The following INPP4B variants were observed in gnomAD, a reference collection of about 807,000 sequenced individuals.
INPP4B encodes the protein inositol polyphosphate 4-phosphatase type II.
INPP4B carries 55 observed loss-of-function variants against 122.5 expected under a neutral mutation model. The observed-to-expected ratio is 0.45, with a 90% CI of 0.36 to 0.56. INPP4B has a LOEUF of 0.56. Ranked by LOEUF, INPP4B falls within the 20% of genes least tolerant of loss-of-function variation. INPP4B has a pLI of 0.00. For missense variants in INPP4B, 1,000 were observed against 1,097.7 expected (o/e 0.91, Z 1.26); for synonymous variants, 403 against 388.7 (o/e 1.04, Z -0.43).
intron 2 of INPP4B, among the ~76,000 whole-genome samples, chr4:142,534,975 G>A (rs138162142): frequency 8.3e-4 from 126 of 152,108 alleles, no homozygotes; most frequent in African/African-American, 2.6e-3. Flanking sequence ...TGTTCCCTGG[G>A]GAAGTAAGAG....
intron 5 of INPP4B, among the ~76,000 whole-genome samples, chr4:142,424,062 A>G (rs1428148463): frequency 2.0e-5 from 3 of 151,982 alleles, no homozygotes; most frequent in Non-Finnish European, 4.4e-5. Flanking sequence ...ATCTGCTCAT[A>G]CAGCTCTCCT....
At chr4:142,157,187 T>G (rs1013310217) in intron 17 of INPP4B, among the ~76,000 whole-genome samples, 1 of 152,160 alleles carries the variant, frequency 6.6e-6, no homozygotes, top group Non-Finnish European at 1.5e-5. Flanking sequence ...AAAGGCATCT[T>G]CAATTAGCTA....
chr4:142,719,818 C>T (rs958842008), intron 2 of INPP4B, among the ~76,000 whole-genome samples: 1 of 151,900 alleles, frequency 6.6e-6, no homozygotes, highest in African/African-American at 2.4e-5. Context: ...AACAACTGAA[C>T]AGAGATCCAT....
chr4:142,520,215 C>T (rs1486173593), intron 2 of INPP4B, among the ~76,000 whole-genome samples: 5 of 151,944 alleles, frequency 3.3e-5, no homozygotes, highest in Non-Finnish European at 7.4e-5. Context: ...TTTTATCCTT[C>T]AACAAATAGC....
chr4:142,747,429 TA>T (rs1313555821), intron 1 of INPP4B, among the ~76,000 whole-genome samples: 3 of 152,118 alleles, frequency 2.0e-5, no homozygotes, highest in Admixed American at 6.6e-5. Flanking sequence ...GGTGGGAGTG[TA>T]AATTAGTTCA....
At chr4:142,693,178 G>T (rs530186422) in intron 2 of INPP4B, among the ~76,000 whole-genome samples, 1 of 152,020 alleles carries the variant, frequency 6.6e-6, no homozygotes, top group East Asian at 1.9e-4. Flanking sequence ...GGCTTTGGGG[G>T]GTACCAGAAA....
intron 2 of INPP4B, among the ~76,000 whole-genome samples, chr4:142,486,645 C>G (rs181361764): frequency 8.6e-5 from 13 of 152,002 alleles, no homozygotes; most frequent in Admixed American, 6.6e-5. Context: ...TTTCCACTTA[C>G]GGTTTGTGCT....
Position 142,048,725 on chromosome 4 carries a change from A to C in INPP4B, c.2643-19811T>G, listed in dbSNP as rs373835793. On this transcript the variant is annotated intron_variant, in intron 25 of 25. Coordinates refer to ENST00000262992, the MANE Select transcript of INPP4B (RefSeq NM_001101669.3). ...GCAAAAGCAGCTTGAGAGCTGGTTAAAGAAAAGCTATTGCAAGATCATAGT... is the reference window on the plus strand; with the variant it reads ...GCAAAAGCAGCTTGAGAGCTGGTTACAGAAAAGCTATTGCAAGATCATAGT... Among the ~76,000 whole-genome samples the C allele has an allele frequency of 5.1e-4, 78 of 152,164 alleles. 1 individual carries two copies. Among genetic ancestry groups the C allele is most frequent in the African/African-American group, 1.7e-3 (71 of 41,534 alleles).
intron 7 of INPP4B, among the ~76,000 whole-genome samples, chr4:142,385,373 A>G (rs969511132): frequency 1.1e-5 from 1 of 94,292 alleles, no homozygotes; most frequent in Non-Finnish European, 2.0e-5. Context: ...ACTGAACCTT[A>G]AAAAAAAAAA....
At chr4:142,432,170 T>A (rs1281424958) in intron 3 of INPP4B, among the ~76,000 whole-genome samples, 1 of 152,112 alleles carries the variant, frequency 6.6e-6, no homozygotes. Flanking sequence ...ATAAATTTTT[T>A]AAAAAATCAA....
At chr4:142,305,827 G>T in intron 8 of INPP4B, 1 of 1,149,400 alleles carries the variant, frequency 8.7e-7, no homozygotes, top group Non-Finnish European at 1.1e-6. Context: ...AATTTTCTCT[G>T]CATATGAAAA....
At chr4:142,548,816 T>C (rs1417765495) in intron 2 of INPP4B, among the ~76,000 whole-genome samples, 1 of 151,872 alleles carries the variant, frequency 6.6e-6, no homozygotes, top group Admixed American at 6.6e-5. Flanking sequence ...TGACAGAAAA[T>C]CATTCTAAAA....
chr4:142,417,396 GT>G (rs1396578995), intron 5 of INPP4B, among the ~76,000 whole-genome samples: 1 of 152,044 alleles, frequency 6.6e-6, no homozygotes, highest in Non-Finnish European at 1.5e-5. Context: ...GTGATTTTGG[GT>G]TTGTTACGGA....
At chr4:142,255,582 C>T (rs1735414858) in intron 11 of INPP4B, among the ~76,000 whole-genome samples, 1 of 152,078 alleles carries the variant, frequency 6.6e-6, no homozygotes, top group African/African-American at 2.4e-5. Flanking sequence ...GACTTTAAAC[C>T]AACAAAGACC....
At chr4:142,344,006 T>C (rs1160805120) in intron 7 of INPP4B, among the ~76,000 whole-genome samples, 1 of 152,114 alleles carries the variant, frequency 6.6e-6, no homozygotes, top group African/African-American at 2.4e-5. Flanking sequence ...TAAACTATAA[T>C]AACAGTTATT....
At chr4:142,168,596 C>T (rs549587471) in intron 16 of INPP4B, among the ~76,000 whole-genome samples, 1 of 151,686 alleles carries the variant, frequency 6.6e-6, no homozygotes, top group Non-Finnish European at 1.5e-5. Flanking sequence ...TTATTCAATT[C>T]CCGTTGTATT....
intron 2 of INPP4B, among the ~76,000 whole-genome samples, chr4:142,622,327 TAA>T (rs112195146): frequency 6.9e-6 from 1 of 144,620 alleles, no homozygotes; most frequent in Admixed American, 7.0e-5. Flanking sequence ...AAGCTTCCAT[TAA>T]AAAAAAAAAG....
chr4:142,567,693 A>G (rs908484782), intron 2 of INPP4B, among the ~76,000 whole-genome samples: 2 of 152,160 alleles, frequency 1.3e-5, no homozygotes, highest in South Asian at 2.1e-4. Context: ...GGTACACTTT[A>G]AAAAGCATAT....
intron 12 of INPP4B, among the ~76,000 whole-genome samples, chr4:142,234,879 C>T (rs1332944723): frequency 6.6e-6 from 1 of 152,006 alleles, no homozygotes. Flanking sequence ...TGCTGTGAAG[C>T]ATACGGAAAT....
Sources: allele counts gnomAD v4.1 joint callset (sites outside exome capture counted in the v4.1 genomes callset), GRCh38; gene constraint gnomAD v4.1.1; transcripts MANE v1.5; gene names NCBI Gene and HGNC (gene_info 2026-07-23, HGNC 2026-07-21).